DLGAP4: variants seen among roughly 807,000 people sequenced by gnomAD.
DLGAP4 encodes the protein disks large-associated protein 4.
DLGAP4 carries 18 observed loss-of-function variants against 86.9 expected under a neutral mutation model. The ratio of observed to expected loss-of-function variants is 0.21; its 90% CI spans 0.14 to 0.31. DLGAP4 has a LOEUF of 0.31. Among genes scored for constraint, DLGAP4 ranks in the 10% least tolerant of loss-of-function variants. The pLI, the probability that DLGAP4 is intolerant of heterozygous loss-of-function variation, is 1.00. For missense variants in DLGAP4, 1,085 were observed against 1,362.6 expected (o/e 0.80, Z 3.21); for synonymous variants, 548 against 574.3 (o/e 0.95, Z 0.65).
chr20:36,361,491 A>G (rs749892190), intron 1 of DLGAP4, among the ~76,000 whole-genome samples: 2 of 152,114 alleles, frequency 1.3e-5, no homozygotes, highest in African/African-American at 4.8e-5. Context: ...TGAGGCGTTC[A>G]TTTGTTCCAC....
At chr20:36,461,550 C>CGTCCGTCT (rs1356522719) in intron 7 of DLGAP4, 8 of 972,714 alleles carry the variant, frequency 8.2e-6, no homozygotes, top group Non-Finnish European at 8.5e-6. Flanking sequence ...GCCGCCAGTC[C>CGTCCGTCT]GTCCGTCTGT....
intron 1 of DLGAP4, among the ~76,000 whole-genome samples, chr20:36,362,994 G>A (rs1465792180): frequency 6.6e-6 from 1 of 152,210 alleles, no homozygotes; most frequent in African/African-American, 2.4e-5. Flanking sequence ...GTAACTGGCA[G>A]AGCCTGGATT....
rs528812770 is a variant in DLGAP4, at chr20:36,346,470, C to T, written c.-303-20575C>T. Among the ~76,000 whole-genome samples, 79 of 152,234 alleles carry T rather than the reference C, an allele frequency of 5.2e-4. No individual in the cohort carries two copies. The South Asian group carries it at 0.015, about 29-fold the overall frequency. ...TTCAGCCAGGCCTGAAAGAGTGGGA[C>T]GGATGTTGCCCAGCTGAGATTGGCA... On this transcript the variant is annotated intron_variant, in intron 1 of 12. Transcript: ENST00000339266.
intron 7 of DLGAP4, chr20:36,461,357 C>T: frequency 1.4e-6 from 1 of 705,734 alleles, no homozygotes; most frequent in Non-Finnish European, 1.7e-6. Flanking sequence ...GCGGGCTGCG[C>T]GCGCCCCTGC....
rs751547507 is a variant in DLGAP4 at position 36,500,169 on chromosome 20, G to A, written c.2100-30G>A. The A allele has an allele frequency of 1.3e-6, 2 of 1,510,758 alleles. No homozygotes were observed. The highest frequency in any genetic ancestry group is 1.8e-6 in the Non-Finnish European group (2 of 1,128,146). 93.6% of individuals were successfully genotyped at this position (1,510,758 alleles called of 1,614,324 possible). On this transcript the variant is annotated intron_variant, in intron 9 of 12. Transcript: ENST00000339266. This position sits in a 1 kb window ranked among gnomAD's most constrained non-coding sequence, Gnocchi z 4.6. ...CCCTCTTGGTGACTCACTCCTTCCT[G>A]TCCCCACCCCATCCACCCCCTACCC... is the stretch of plus-strand genomic sequence containing the variant.
intron 2 of DLGAP4, among the ~76,000 whole-genome samples, chr20:36,428,729 G>T (rs180860877): frequency 6.6e-6 from 1 of 152,368 alleles, no homozygotes; most frequent in Admixed American, 6.5e-5. Context: ...TGTGCTGTCT[G>T]GTTCCCAGAC....
In DLGAP4 at chr20:36,528,155, A is replaced by AC. The variant is rs74173984; in HGVS notation, c.*1130dup. ...GCAGCCCTTTTTTTTTTTGGTCTCCACCCCCCTCCCCCCGCCCCGCACTCC... is the reference window on the plus strand; with the variant it reads ...GCAGCCCTTTTTTTTTTTGGTCTCCACCCCCCCTCCCCCCGCCCCGCACTCC... On this transcript the variant is annotated 3_prime_UTR_variant, in exon 13 of 13. Transcript: ENST00000339266. 5 of 109,932 alleles carry AC rather than the reference A, an allele frequency of 4.5e-5. No individual in the cohort carries two copies. The highest frequency in any genetic ancestry group is 2.7e-4 in the Admixed American group (3 of 11,314). 6.8% of individuals were successfully genotyped at this position (109,932 alleles called of 1,614,324 possible).
chr20:36,341,607 C>T (rs1306723238), intron 1 of DLGAP4, among the ~76,000 whole-genome samples: 1 of 152,242 alleles, frequency 6.6e-6, no homozygotes, highest in Non-Finnish European at 1.5e-5. Flanking sequence ...ACAGGCCTTG[C>T]TGAAGGGCAC....
At chr20:36,449,611 G>A (rs2033683558) in intron 7 of DLGAP4, among the ~76,000 whole-genome samples, 1 of 152,174 alleles carries the variant, frequency 6.6e-6, no homozygotes, top group Non-Finnish European at 1.5e-5. Flanking sequence ...CGTGGGTGAA[G>A]GATAACATCC....
At chr20:36,510,611 G>A (rs754773554) in intron 10 of DLGAP4, among the ~76,000 whole-genome samples, 21 of 150,526 alleles carry the variant, frequency 1.4e-4, no homozygotes, top group African/African-American at 4.4e-4. Context: ...GGGTTTCACC[G>A]TGTTGGCCAG....
At chr20:36,476,608 C>T (rs561764956) in intron 7 of DLGAP4, among the ~76,000 whole-genome samples, 6 of 149,904 alleles carry the variant, frequency 4.0e-5, no homozygotes, top group Middle Eastern at 7.0e-3. Flanking sequence ...GGATTACAGG[C>T]GTGAGCCACC....
chr20:36,420,513 G>A (rs1397436725), intron 2 of DLGAP4, among the ~76,000 whole-genome samples: 1 of 152,146 alleles, frequency 6.6e-6, no homozygotes, highest in Non-Finnish European at 1.5e-5. Flanking sequence ...AGGGAAGAGG[G>A]GCAGGAAATG....
chr20:36,398,997 A>G (rs1316283854), intron 2 of DLGAP4, among the ~76,000 whole-genome samples: 2 of 152,200 alleles, frequency 1.3e-5, no homozygotes, highest in Non-Finnish European at 2.9e-5. Flanking sequence ...GTTCAAGACC[A>G]GTCTGGGCAA....
intron 1 of DLGAP4, among the ~76,000 whole-genome samples, chr20:36,321,194 G>A (rs1165272139): frequency 2.0e-5 from 3 of 152,224 alleles, no homozygotes; most frequent in Non-Finnish European, 2.9e-5. Flanking sequence ...GCTGACACCC[G>A]TTGGTTAAGT....
chr20:36,461,737 CCGTCCGTCCGT>C (rs2034076266), intron 7 of DLGAP4: 4 of 900,744 alleles, frequency 4.4e-6, no homozygotes, highest in Non-Finnish European at 5.1e-6. Flanking sequence ...GTCTGTCCGT[CCGTCCGTCCGT>C]CCGCCCGCCC....
At chr20:36,411,761 A>C (rs1453028499) in intron 2 of DLGAP4, among the ~76,000 whole-genome samples, 1 of 152,174 alleles carries the variant, frequency 6.6e-6, no homozygotes, top group Non-Finnish European at 1.5e-5. Flanking sequence ...TCTCCCTCAA[A>C]GCCCATGCCC....
At chr20:36,487,812 C>A (rs1329308881) in intron 7 of DLGAP4, among the ~76,000 whole-genome samples, 2 of 152,176 alleles carry the variant, frequency 1.3e-5, no homozygotes, top group Non-Finnish European at 2.9e-5. Flanking sequence ...ACCCCAAGAT[C>A]AAAAAATACC....
chr20:36,391,209 G>T (rs1000043422), intron 2 of DLGAP4, among the ~76,000 whole-genome samples: 1 of 152,122 alleles, frequency 6.6e-6, no homozygotes, highest in African/African-American at 2.4e-5. Context: ...ACCTATAGCC[G>T]TGGGAGATAG....
chr20:36,463,385 G>A (rs570497050), intron 7 of DLGAP4, among the ~76,000 whole-genome samples: 300 of 152,264 alleles, frequency 2.0e-3, no homozygotes, highest in Middle Eastern at 0.017. Flanking sequence ...CAGCCCCATC[G>A]AGGGAGAGGA....
Sources: allele counts gnomAD v4.1 joint callset (sites outside exome capture counted in the v4.1 genomes callset), GRCh38; gene constraint gnomAD v4.1.1; non-coding constraint Gnocchi (gnomAD v3.1); transcripts MANE v1.5; gene names NCBI Gene and HGNC (gene_info 2026-07-23, HGNC 2026-07-21).